The following RAB38 variants were observed in gnomAD, a reference collection of about 807,000 sequenced individuals.
RAB38 encodes RAB38, member RAS oncogene family, also known as ras-related protein Rab-38.
Under a neutral mutation model 18.4 loss-of-function variants are expected in RAB38, and 15 were observed. That is an observed-to-expected ratio of 0.82 (90% CI 0.55 to 1.26). The LOEUF (loss-of-function observed/expected upper bound fraction) is 1.26, where lower values mean the gene tolerates loss of function less well. Ranked by LOEUF, RAB38 falls within the 50% of genes most tolerant of loss-of-function variation. The pLI, the probability that RAB38 is intolerant of heterozygous loss-of-function variation, is 0.00. For missense variants in RAB38, 294 were observed against 267.4 expected (o/e 1.10, Z -0.69); for synonymous variants, 101 against 104.4 (o/e 0.97, Z 0.20).
At chr11:88,022,854 T>G in the RAB38 span, among the ~76,000 whole-genome samples, 1 of 152,156 alleles carries the variant, frequency 6.6e-6, no homozygotes, top group Non-Finnish European at 1.5e-5. Flanking sequence ...AATGAACATA[T>G]GCATGCATGT....
the RAB38 span, among the ~76,000 whole-genome samples, chr11:87,934,525 C>T: frequency 6.6e-6 from 1 of 152,036 alleles, no homozygotes; most frequent in African/African-American, 2.4e-5. Flanking sequence ...TTTGGGAAAA[C>T]ATAAATGTCA....
At chr11:87,977,782 A>G in the RAB38 span, among the ~76,000 whole-genome samples, 12 of 110,136 alleles carry the variant, frequency 1.1e-4, no homozygotes, top group African/African-American at 3.2e-4. Context: ...TATATATTAT[A>G]TCATAGTTAT....
chr11:87,873,559 A>G, the RAB38 span, among the ~76,000 whole-genome samples: 10 of 151,446 alleles, frequency 6.6e-5, no homozygotes, highest in African/African-American at 1.9e-4. Context: ...ATTTTCTCCT[A>G]TGTTATGTTC....
At chr11:87,869,044 A>G in the RAB38 span, among the ~76,000 whole-genome samples, 2 of 151,658 alleles carry the variant, frequency 1.3e-5, no homozygotes, top group Admixed American at 6.6e-5. Flanking sequence ...CTCTTGATTC[A>G]CTTTTTCTAC....
chr11:88,150,012 T>C (rs536220520), intron 1 of RAB38, 57 bp from the exon 2 acceptor site: 63 of 1,530,940 alleles, frequency 4.1e-5, no homozygotes, highest in Admixed American at 3.0e-4. Context: ...CTGAATCATA[T>C]TATAACTTCA....
rs1328091266 is a variant in RAB38, at chr11:88,119,151, A to AG, written c.484-5012_484-5011insC. Among the ~76,000 whole-genome samples, 12 of 152,266 alleles carry AG rather than the reference A, an allele frequency of 7.9e-5. 1 individual carries two copies. The highest frequency in any genetic ancestry group is 2.9e-4 in the African/African-American group (12 of 41,554). On this transcript the variant is annotated intron_variant, in intron 2 of 2. Coordinates refer to ENST00000243662, the MANE Select transcript of RAB38 (RefSeq NM_022337.3). ...TATTCATATCCCTTGTAAAGTTAAA[A>AG]CAAATATGTTACCAGGGCCCTCCTT...
chr11:87,850,893 A>G, the RAB38 span, among the ~76,000 whole-genome samples: 3 of 152,184 alleles, frequency 2.0e-5, no homozygotes, highest in African/African-American at 7.2e-5. Flanking sequence ...ATTGAATGGA[A>G]AATCAAAGTG....
the RAB38 span, among the ~76,000 whole-genome samples, chr11:88,029,184 G>A: frequency 2.0e-5 from 3 of 152,082 alleles, no homozygotes; most frequent in Admixed American, 1.3e-4. Context: ...AATGCTGAGA[G>A]ATTTTGTCAC....
the RAB38 span, among the ~76,000 whole-genome samples, chr11:87,929,307 A>T: frequency 6.6e-6 from 1 of 151,962 alleles, no homozygotes; most frequent in African/African-American, 2.4e-5. Flanking sequence ...CTTTCCTTTT[A>T]ACAGTTTAGC....
At chr11:87,836,187 A>G in the RAB38 span, among the ~76,000 whole-genome samples, 1 of 152,326 alleles carries the variant, frequency 6.6e-6, no homozygotes, top group South Asian at 2.1e-4. Flanking sequence ...TTGTCATGCT[A>G]AAGTCTTTAT....
At chr11:87,805,654 T>C in the RAB38 span, among the ~76,000 whole-genome samples, 14 of 151,836 alleles carry the variant, frequency 9.2e-5, no homozygotes, top group African/African-American at 3.4e-4. Flanking sequence ...TATACACATT[T>C]ATGTATGTGT....
chr11:87,860,440 G>A, the RAB38 span, among the ~76,000 whole-genome samples: 1 of 151,916 alleles, frequency 6.6e-6, no homozygotes, highest in Admixed American at 6.6e-5. Flanking sequence ...CAGAATAATT[G>A]ATATCAAACT....
At chr11:88,134,180 T>A (rs1296956748) in intron 2 of RAB38, among the ~76,000 whole-genome samples, 3 of 152,134 alleles carry the variant, frequency 2.0e-5, no homozygotes, top group African/African-American at 7.2e-5. Context: ...GAATCTTGTA[T>A]CTCTTACCCA....
the RAB38 span, among the ~76,000 whole-genome samples, chr11:87,873,920 G>GTATATATATATA: frequency 8.9e-5 from 3 of 33,824 alleles, no homozygotes; most frequent in African/African-American, 2.2e-4. Context: ...GTGTGTGTGT[G>GTATATATATATA]TGTATATATA....
chr11:87,854,385 A>G, the RAB38 span, among the ~76,000 whole-genome samples: 3 of 152,184 alleles, frequency 2.0e-5, no homozygotes, highest in Non-Finnish European at 4.4e-5. Context: ...CCAAAAGTGT[A>G]TAGATCTTTT....
chr11:88,127,447 T>G (rs1042169370), intron 2 of RAB38, among the ~76,000 whole-genome samples: 1 of 152,198 alleles, frequency 6.6e-6, no homozygotes. Context: ...AGAGCTAATG[T>G]TCCTCTTCAC....
the RAB38 span, among the ~76,000 whole-genome samples, chr11:87,860,233 T>C: frequency 1.7e-4 from 26 of 152,132 alleles, no homozygotes; most frequent in African/African-American, 5.5e-4. Flanking sequence ...ATACTAAATA[T>C]GCATCAATAA....
the RAB38 span, among the ~76,000 whole-genome samples, chr11:87,861,976 C>A: frequency 1.3e-5 from 2 of 151,952 alleles, no homozygotes; most frequent in East Asian, 3.9e-4. Flanking sequence ...CCATCTCACA[C>A]CAGTCAGGAT....
rs537165134 is a variant in RAB38 at position 88,134,152 on chromosome 11, T to A, written c.483+15523A>T. ...TTAGATGTATAGTAACCTTTTAGAC[T>A]TTAACATACAAAAAAAAGAATCTTG... On this transcript the variant is annotated intron_variant, in intron 2 of 2. Coordinates refer to ENST00000243662, the MANE Select transcript of RAB38 (RefSeq NM_022337.3). Among the ~76,000 whole-genome samples the A allele has an allele frequency of 9.8e-5, 15 of 152,314 alleles. No individual in the cohort carries two copies. In the East Asian group the frequency reaches 2.9e-3, roughly 29 times the overall value.
Sources: allele counts gnomAD v4.1 joint callset (sites outside exome capture counted in the v4.1 genomes callset), GRCh38; gene constraint gnomAD v4.1.1; transcripts MANE v1.5; gene names NCBI Gene and HGNC (gene_info 2026-07-23, HGNC 2026-07-21).